Variants in GRIK2 observed in about 807,000 individuals in gnomAD.
GRIK2 encodes glutamate ionotropic receptor kainate type subunit 2.
In GRIK2, 32 loss-of-function variants were observed where a neutral mutation model predicts 100.3. That is an observed-to-expected ratio of 0.32 (90% CI 0.24 to 0.43). The LOEUF is 0.43. Ranked by LOEUF, GRIK2 falls within the 20% of genes least tolerant of loss-of-function variation. The probability of loss-of-function intolerance (pLI) is 1.00; values close to 1 mark genes in which losing one functional copy is unlikely to be tolerated. For missense variants in GRIK2, 843 were observed against 1,114.9 expected, an observed-to-expected ratio of 0.76 and a Z score of 3.47; for synonymous variants, 417 against 389.4, an observed-to-expected ratio of 1.07 and a Z score of -0.83.
chr6:101,956,839 A>G (rs1404687118), intron 14 of GRIK2, among the ~76,000 whole-genome samples: 6 of 143,556 alleles, frequency 4.2e-5, no homozygotes, highest in African/African-American at 7.4e-5. Flanking sequence ...AATTTTATAT[A>G]TAAGAATTAT....
At chr6:101,415,288 C>G (rs1343355430) in intron 2 of GRIK2, among the ~76,000 whole-genome samples, 1 of 149,906 alleles carries the variant, frequency 6.7e-6, no homozygotes, top group African/African-American at 2.5e-5. Context: ...CTTGATCTTA[C>G]TGTATATGTT....
intron 7 of GRIK2, among the ~76,000 whole-genome samples, chr6:101,786,505 G>T (rs193027034): frequency 6.6e-6 from 1 of 152,116 alleles, no homozygotes; most frequent in Non-Finnish European, 1.5e-5. Flanking sequence ...TATTATGAAG[G>T]AATGTTGAAT....
chr6:101,470,215 C>A (rs1319411902), intron 2 of GRIK2, among the ~76,000 whole-genome samples: 2 of 152,120 alleles, frequency 1.3e-5, no homozygotes, highest in Non-Finnish European at 2.9e-5. Flanking sequence ...GTACTCTGGA[C>A]TACCCACGTT....
chr6:101,558,583 G>A (rs1312209815), intron 2 of GRIK2, among the ~76,000 whole-genome samples: 1 of 151,930 alleles, frequency 6.6e-6, no homozygotes, highest in Admixed American at 6.6e-5. Context: ...AGGGGTGGGT[G>A]TATGGTGGGA....
At position 101,489,553 on chromosome 6, in the gene GRIK2, G is replaced by C. The variant is rs540202601; in HGVS notation, c.115+90161G>C. On this transcript the variant is annotated intron_variant, in intron 2 of 16. Coordinates refer to ENST00000369134, the MANE Select transcript of GRIK2 (RefSeq NM_021956.5). ...TCATTTTGCCAACTATGATAACATA[G>C]TGTTAGAATTTTCTTGGTGAACTTA... 2.0e-5 allele frequency among the ~76,000 whole-genome samples: 3 copies of C among 146,396 alleles called. No homozygotes were observed. In the South Asian group the frequency reaches 6.5e-4, roughly 32 times the overall value.
intron 2 of GRIK2, among the ~76,000 whole-genome samples, chr6:101,559,526 G>A (rs1776903824): frequency 6.6e-6 from 1 of 152,080 alleles, no homozygotes; most frequent in African/African-American, 2.4e-5. Context: ...ACAATTATAT[G>A]TGACAGATTT....
chr6:101,592,132 C>A (rs543048709), intron 2 of GRIK2, among the ~76,000 whole-genome samples: 8 of 152,066 alleles, frequency 5.3e-5, no homozygotes, highest in African/African-American at 1.4e-4. Flanking sequence ...GGAGCAGATG[C>A]CAGCATCATG....
intron 2 of GRIK2, among the ~76,000 whole-genome samples, chr6:101,421,821 T>A (rs1236612242): frequency 1.3e-5 from 2 of 152,334 alleles, no homozygotes; most frequent in Middle Eastern, 3.4e-3. Flanking sequence ...ATAGGATTTT[T>A]AAGCAATCTC....
intron 15 of GRIK2, among the ~76,000 whole-genome samples, chr6:102,049,794 C>G (rs147930016): frequency 6.6e-6 from 1 of 151,984 alleles, no homozygotes; most frequent in Non-Finnish European, 1.5e-5. Flanking sequence ...TTAAAGCATA[C>G]AGAAGCTTGA....
At chr6:101,771,415 A>T (rs1338428334) in intron 7 of GRIK2, among the ~76,000 whole-genome samples, 2 of 152,024 alleles carry the variant, frequency 1.3e-5, no homozygotes, top group Admixed American at 6.5e-5. Context: ...ATGAACACAG[A>T]TGTAAGAAAT....
intron 7 of GRIK2, among the ~76,000 whole-genome samples, chr6:101,749,882 G>T (rs932299062): frequency 7.2e-6 from 1 of 139,360 alleles, no homozygotes; most frequent in South Asian, 2.2e-4. Context: ...GCTCAATCTC[G>T]GCTCACCTCA....
At chr6:101,624,623 A>G (rs184807560) in intron 3 of GRIK2, among the ~76,000 whole-genome samples, 1 of 152,304 alleles carries the variant, frequency 6.6e-6, no homozygotes, top group East Asian at 1.9e-4. Flanking sequence ...ATTGAGTCTG[A>G]ACACCTAATT....
intron 7 of GRIK2, among the ~76,000 whole-genome samples, chr6:101,771,772 A>C (rs1293494619): frequency 7.0e-6 from 1 of 142,688 alleles, no homozygotes; most frequent in Non-Finnish European, 1.5e-5. Flanking sequence ...TATGATTGAG[A>C]ACATGCGGTG....
intron 13 of GRIK2, among the ~76,000 whole-genome samples, chr6:101,925,068 T>TA (rs1309628818): frequency 1.3e-5 from 2 of 152,148 alleles, no homozygotes; most frequent in African/African-American, 4.8e-5. Flanking sequence ...AATACAGTGT[T>TA]ATGCTCCTGT....
intron 2 of GRIK2, among the ~76,000 whole-genome samples, chr6:101,615,248 TTA>T (rs1779840635): frequency 6.6e-6 from 1 of 151,686 alleles, no homozygotes; most frequent in African/African-American, 2.4e-5. Flanking sequence ...GATATAGAGG[TTA>T]TGTGAGATAT....
intron 7 of GRIK2, among the ~76,000 whole-genome samples, chr6:101,718,108 C>T (rs1427438840): frequency 1.3e-5 from 2 of 151,662 alleles, no homozygotes; most frequent in East Asian, 3.9e-4. Flanking sequence ...ATATTTTATT[C>T]ATTAAAATGT....
chr6:101,731,496 T>C (rs969036999), intron 7 of GRIK2, among the ~76,000 whole-genome samples: 1 of 151,980 alleles, frequency 6.6e-6, no homozygotes, highest in Non-Finnish European at 1.5e-5. Flanking sequence ...ACAAAAACAT[T>C]TGCACATAGG....
intron 10 of GRIK2, among the ~76,000 whole-genome samples, chr6:101,843,766 A>G (rs1240837187): frequency 6.6e-6 from 1 of 152,220 alleles, no homozygotes; most frequent in Non-Finnish European, 1.5e-5. Context: ...TTCTGGGGGT[A>G]AGGCCCAGAC....
chr6:101,647,338 T>A (rs1164348167), intron 4 of GRIK2, among the ~76,000 whole-genome samples: 1 of 151,962 alleles, frequency 6.6e-6, no homozygotes, highest in Non-Finnish European at 1.5e-5. Context: ...AAGACAGAGC[T>A]CCACTGTAGA....
Sources: gnomAD v4.1 joint callset for allele counts (sites outside exome capture counted in the v4.1 genomes callset) on GRCh38, gnomAD v4.1.1 for gene constraint, MANE v1.5 for transcripts, NCBI Gene and HGNC (gene_info 2026-07-23, HGNC 2026-07-21) for gene names.